Variants in CMYA5 observed in about 807,000 individuals in gnomAD.
CMYA5 encodes the protein cardiomyopathy associated 5.
A neutral mutation model predicts 318.9 loss-of-function variants in CMYA5; 246 were observed. The ratio of observed to expected loss-of-function variants is 0.77; its 90% confidence interval spans 0.70 to 0.86. CMYA5 has a LOEUF of 0.86. Among genes scored for constraint, CMYA5 ranks in the 40% least tolerant of loss-of-function variants. The pLI is 0.00. For synonymous variants in CMYA5, 1,641 were observed against 1,729.5 expected (o/e 0.95, Z 1.27); for missense variants, 4,589 against 4,678.2 (o/e 0.98, Z 0.56).
chr5:79,736,551 G>C lies in CMYA5; in HGVS notation c.7786G>C (p.Glu2596Gln), dbSNP rs1226480694. 2 of 1,613,678 alleles carry C rather than the reference G, an allele frequency of 1.2e-6. No individual in the cohort carries two copies. The highest frequency in any genetic ancestry group is 1.7e-6 in the Non-Finnish European group (2 of 1,179,768). ...FSLVKATSVT[E>Q]KSEAMLAEAH... ...ATTAGTTAAAGCTACATCAGTTACT[G>C]AAAAATCAGAAGCCATGCTCGCAGA... The change falls in exon 2 of 13, where the codon GAA (glutamate) becomes CAA (glutamine). Residue 2596 changes from glutamate (E) to glutamine (Q), a missense_variant. Glu to Gln is a conservative substitution (Grantham distance 29). Transcript: ENST00000446378.
chr5:79,743,869 T>C lies in CMYA5; in HGVS notation c.10681T>C (p.Leu3561=). The change falls in exon 3 of 13, where the codon TTG becomes CTG. Residue 3561 remains leucine, a synonymous_variant. Transcript: ENST00000446378. The stretch of plus-strand genomic sequence containing the variant: ...TCTAGAAAATTTACAAGAAAAGTCC[T>C]TGAGGATTGAAGCCTTTGTTAGTGA... ...EFLENLQEKS[L]RIEAFVSEIE... is the part of the protein sequence containing the mutation. The C allele has an allele frequency of 6.5e-7, 1 of 1,549,436 alleles. No homozygotes were observed. Among genetic ancestry groups the C allele is most frequent in the African/African-American group, 1.4e-5 (1 of 73,312 alleles).
intron 2 of CMYA5, among the ~76,000 whole-genome samples, chr5:79,742,045 CTCCTCT>C (rs1157380362): frequency 3.2e-5 from 2 of 62,660 alleles, no homozygotes; most frequent in Admixed American, 3.1e-4. Context: ...CTCCCTCTTT[CTCCTCT>C]TCTTCTTCTT....
intron 9 of CMYA5, among the ~76,000 whole-genome samples, chr5:79,787,584 A>C (rs1322035886): frequency 6.6e-6 from 1 of 152,220 alleles, no homozygotes; most frequent in Non-Finnish European, 1.5e-5. Context: ...ATCTAAGGAC[A>C]GTCCTCTCCT....
intron 1 of CMYA5, among the ~76,000 whole-genome samples, chr5:79,725,889 G>A (rs1351235400): frequency 6.6e-6 from 1 of 152,158 alleles, no homozygotes; most frequent in African/African-American, 2.4e-5. Flanking sequence ...GGGCAACAGA[G>A]CAAGACTCTG....
chr5:79,730,463 A>G lies in CMYA5; in HGVS notation c.1698A>G (p.Leu566=). ...AAGAAGAAGAGCTTATTCTACCATTATTGGCAGCATCATCTCCTGAACATG... is the reference window on the plus strand; with the variant it reads ...AAGAAGAAGAGCTTATTCTACCATTGTTGGCAGCATCATCTCCTGAACATG... ...EHKEEELILP[L]LAASSPEHVA... is the part of the protein sequence containing the mutation. The change falls in exon 2 of 13, where the codon TTA becomes TTG. Residue 566 remains leucine, a synonymous_variant. Transcript: ENST00000446378. The G allele has an allele frequency of 6.2e-7, 1 of 1,613,900 alleles. No homozygotes were observed. Among genetic ancestry groups the G allele is most frequent in the Non-Finnish European group, 8.5e-7 (1 of 1,179,882 alleles).
Position 79,728,914 on chromosome 5 carries a change from G to A in CMYA5, c.150-1G>A. On this transcript the variant is annotated splice_acceptor_variant, in intron 1 of 12. Coordinates refer to ENST00000446378, the MANE Select transcript of CMYA5 (RefSeq NM_153610.5). LOFTEE classifies it high-confidence loss of function. ...ATAATTAATATTGTTATTTGCTATA[G>A]GTTATCAGACCAGGATGAAGAGGGA... The A allele has an allele frequency of 6.8e-7, 1 of 1,471,520 alleles. No individual in the cohort carries two copies. The highest frequency in any genetic ancestry group is 9.1e-7 in the Non-Finnish European group (1 of 1,101,090). 91.2% of individuals were successfully genotyped at this position (1,471,520 alleles called of 1,614,324 possible). A position where few individuals can be genotyped will look rare whatever the true frequency, so the allele number is the denominator to read the frequency against.
At chr5:79,713,006 A>G (rs1187936198) in intron 1 of CMYA5, among the ~76,000 whole-genome samples, 1 of 152,216 alleles carries the variant, frequency 6.6e-6, no homozygotes, top group Admixed American at 6.5e-5. Context: ...TTCCAGCACT[A>G]AACAGTTAAG....
intron 9 of CMYA5, among the ~76,000 whole-genome samples, chr5:79,764,076 C>T (rs113197616): frequency 7.2e-5 from 11 of 151,796 alleles, no homozygotes; most frequent in African/African-American, 2.7e-4. Flanking sequence ...TAGGTATACA[C>T]GTGCCATGGT....
intron 3 of CMYA5, 26 bp downstream of exon 3, chr5:79,743,948 T>A: frequency 8.3e-7 from 1 of 1,199,634 alleles, no homozygotes; most frequent in Non-Finnish European, 1.2e-6. Flanking sequence ...CATTTTACCT[T>A]AACCTGGCTT....
At chr5:79,699,694 C>A (rs1827139315) in intron 1 of CMYA5, among the ~76,000 whole-genome samples, 1 of 152,190 alleles carries the variant, frequency 6.6e-6, no homozygotes, top group Admixed American at 6.5e-5. Flanking sequence ...AAACTGGCTA[C>A]AAACTGGCCT....
chr5:79,727,253 C>T (rs1357961078), intron 1 of CMYA5, among the ~76,000 whole-genome samples: 2 of 152,150 alleles, frequency 1.3e-5, no homozygotes, highest in Non-Finnish European at 2.9e-5. Flanking sequence ...AGTCGCCTGG[C>T]AGCTTTTAAA....
intron 1 of CMYA5, among the ~76,000 whole-genome samples, chr5:79,704,891 A>T (rs181869642): frequency 7.2e-5 from 11 of 152,214 alleles, no homozygotes; most frequent in African/African-American, 2.6e-4. Context: ...TAAAATAAAA[A>T]CCCTCTATTT....
intron 1 of CMYA5, among the ~76,000 whole-genome samples, chr5:79,707,802 G>A (rs565824925): frequency 2.0e-4 from 31 of 152,290 alleles, no homozygotes; most frequent in Middle Eastern, 3.4e-3. Flanking sequence ...TAGTCTGTCC[G>A]TACTGCTATA....
At chr5:79,793,656 G>T (rs768990268) in intron 12 of CMYA5, 46 bp downstream of exon 12, 6 of 1,544,918 alleles carry the variant, frequency 3.9e-6, no homozygotes, top group South Asian at 1.2e-5. Context: ...TATTATGCTT[G>T]GGTGTCCAGG....
chr5:79,766,224 G>A (rs1055132122), intron 9 of CMYA5, among the ~76,000 whole-genome samples: 4 of 151,954 alleles, frequency 2.6e-5, no homozygotes, highest in Non-Finnish European at 4.4e-5. Flanking sequence ...TCAGCCTCCC[G>A]AGTAGCTGGG....
At chr5:79,775,658 A>T (rs1235230589) in intron 9 of CMYA5, among the ~76,000 whole-genome samples, 2 of 152,158 alleles carry the variant, frequency 1.3e-5, no homozygotes, top group Non-Finnish European at 2.9e-5. Context: ...TGAATTTTTC[A>T]TGTAGATCTT....
Position 79,728,972 on chromosome 5 carries a change from C to A in CMYA5, c.207C>A (p.Pro69=). 1 of 1,613,522 alleles carries A rather than the reference C, an allele frequency of 6.2e-7. No homozygotes were observed. The highest frequency in any genetic ancestry group is 2.2e-5 in the East Asian group (1 of 44,864). Residue 69 remains proline, a synonymous_variant, in exon 2 of 13, where the codon CCC becomes CCA. Coordinates refer to ENST00000446378, the MANE Select transcript of CMYA5 (RefSeq NM_153610.5). ...AGCAGGAGTATATCATATCTGACCC[C>A]TCCTTTTCCATGGTGACAGTCCAAA... ...KIKQEYIISD[P]SFSMVTVQRE...
chr5:79,743,952 C>A, intron 3 of CMYA5, 30 bp downstream of exon 3: 2 of 1,150,140 alleles, frequency 1.7e-6, no homozygotes, highest in Non-Finnish European at 2.5e-6. Flanking sequence ...TTACCTTAAC[C>A]TGGCTTGTTC....
chr5:79,745,649 GC>G (rs1202265328), intron 4 of CMYA5, among the ~76,000 whole-genome samples, 194 bp downstream of exon 4: 2 of 152,194 alleles, frequency 1.3e-5, no homozygotes, highest in African/African-American at 4.8e-5. Context: ...AAGCCTCAAT[GC>G]CCAGATCCAG....
Sources: allele counts gnomAD v4.1 joint callset (sites outside exome capture counted in the v4.1 genomes callset), GRCh38; gene constraint gnomAD v4.1.1; transcripts MANE v1.5; gene names NCBI Gene and HGNC (gene_info 2026-07-23, HGNC 2026-07-21).